NMNAT1: variants seen among roughly 807,000 people sequenced by gnomAD.
NMNAT1 encodes nicotinamide nucleotide adenylyltransferase 1.
A neutral mutation model predicts 16.7 loss-of-function variants in NMNAT1; 11 were observed. The observed-to-expected ratio is 0.66, with a 90% CI of 0.41 to 1.09. The LOEUF is 1.09. Among genes scored for constraint, NMNAT1 ranks in the 50% least tolerant of loss-of-function variants. The probability of loss-of-function intolerance (pLI) is 0.00; values close to 1 mark genes in which losing one functional copy is unlikely to be tolerated. For missense variants in NMNAT1, 280 were observed against 332.3 expected, an observed-to-expected ratio of 0.84 and a Z score of 1.22; for synonymous variants, 110 against 119.8, an observed-to-expected ratio of 0.92 and a Z score of 0.53.
At chr1:9,944,869 T>G (rs1640932699) in intron 1 of NMNAT1, among the ~76,000 whole-genome samples, 1 of 152,248 alleles carries the variant, frequency 6.6e-6, no homozygotes, top group Non-Finnish European at 1.5e-5. Context: ...TAGAGAAGAC[T>G]GTTGACACAC....
At chr1:9,990,551 C>G in the NMNAT1 span, among the ~76,000 whole-genome samples, 7 of 152,204 alleles carry the variant, frequency 4.6e-5, no homozygotes, top group Admixed American at 1.3e-4. Flanking sequence ...ATTGGTTTAG[C>G]CTGATACTAA....
chr1:9,954,121 A>G lies in NMNAT1; in HGVS notation c.-57+10606A>G, dbSNP rs552695919. 9.3e-4 allele frequency among the ~76,000 whole-genome samples: 141 copies of G among 152,172 alleles called. 1 individual carries two copies. The highest frequency in any genetic ancestry group is 3.2e-3 in the African/African-American group (133 of 41,552). On this transcript the variant is annotated intron_variant, in intron 1 of 4. Transcript: ENST00000377205. ...GCACCCGGCCCATACATCACTCTTA[A>G]AAGCACATTCAAAGGAAAATATAAT...
intron 3 of NMNAT1, among the ~76,000 whole-genome samples, chr1:9,979,938 T>C (rs1167873796): frequency 1.3e-5 from 2 of 152,182 alleles, no homozygotes; most frequent in Admixed American, 1.3e-4. Flanking sequence ...AGAAGATTTT[T>C]TTTTTCTTTT....
intron 1 of NMNAT1, among the ~76,000 whole-genome samples, chr1:9,946,468 G>A (rs1640983538): frequency 1.3e-5 from 2 of 152,168 alleles, no homozygotes; most frequent in Admixed American, 6.6e-5. Flanking sequence ...GTCTTGGGAT[G>A]GGAGCCCAGA....
At chr1:9,956,835 G>A (rs557870052) in intron 1 of NMNAT1, among the ~76,000 whole-genome samples, 4 of 149,838 alleles carry the variant, frequency 2.7e-5, no homozygotes, top group East Asian at 4.0e-4. Context: ...AGGTTCAAGC[G>A]ATTCTCCTGC....
intron 1 of NMNAT1, among the ~76,000 whole-genome samples, chr1:9,957,085 A>G (rs1366820375): frequency 6.6e-6 from 1 of 151,866 alleles, no homozygotes; most frequent in East Asian, 1.9e-4. Flanking sequence ...GCTGGAGTTC[A>G]ATGGTGGGAT....
At chr1:9,995,764 C>G in the NMNAT1 span, among the ~76,000 whole-genome samples, 2 of 152,054 alleles carry the variant, frequency 1.3e-5, no homozygotes, top group African/African-American at 4.8e-5. Flanking sequence ...TGCGGTGGCT[C>G]ACACCTATAA....
At chr1:9,989,791 T>C (rs575277481), downstream of NMNAT1, among the ~76,000 whole-genome samples, 1 of 152,348 alleles carries the variant, frequency 6.6e-6, no homozygotes, top group Non-Finnish European at 1.5e-5. Context: ...CCTGTCACAC[T>C]GACCCTCCAC....
At chr1:9,976,084 C>T (rs1192042427) in intron 3 of NMNAT1, among the ~76,000 whole-genome samples, 1 of 151,864 alleles carries the variant, frequency 6.6e-6, no homozygotes, top group Non-Finnish European at 1.5e-5. Flanking sequence ...GTCAGGAGTT[C>T]GAGACCAGCC....
chr1:9,963,167 G>C (rs577820771), intron 1 of NMNAT1, among the ~76,000 whole-genome samples: 1 of 152,050 alleles, frequency 6.6e-6, no homozygotes, highest in Admixed American at 6.6e-5. Context: ...TTTCTTCTTG[G>C]TGAGAGAGCT....
chr1:9,996,211 T>A, the NMNAT1 span, among the ~76,000 whole-genome samples: 2 of 149,694 alleles, frequency 1.3e-5, no homozygotes, highest in Admixed American at 6.7e-5. Context: ...CTCGGGAGGC[T>A]GAGGCAGGAG....
intron 1 of NMNAT1, chr1:9,960,838 AG>A (rs983819970): frequency 3.5e-4 from 54 of 152,362 alleles, no homozygotes; most frequent in African/African-American, 1.3e-3. Flanking sequence ...GACCCAGGTC[AG>A]TCCCGTTAGA....
chr1:9,948,837 G>A lies in NMNAT1; in HGVS notation c.-57+5322G>A, dbSNP rs890137404. On this transcript the variant is annotated intron_variant, in intron 1 of 4. Transcript: ENST00000377205. ...AATTTTTTGTATTTTTAGTAGAGAC[G>A]GGGTTTCACCATGTTGGCCAGGCTG... is the stretch of plus-strand genomic sequence containing the variant. Among the ~76,000 whole-genome samples, 56 of 151,144 alleles carry A rather than the reference G, an allele frequency of 3.7e-4. 1 individual carries two copies. Among genetic ancestry groups the A allele is most frequent in the South Asian group, 4.2e-4 (2 of 4,780 alleles).
downstream of NMNAT1, among the ~76,000 whole-genome samples, chr1:9,986,610 C>T (rs988881771): frequency 6.6e-6 from 1 of 152,184 alleles, no homozygotes; most frequent in African/African-American, 2.4e-5. Flanking sequence ...TGGCTGGGCA[C>T]AGCGGCTCAT....
intron 3 of NMNAT1, among the ~76,000 whole-genome samples, chr1:9,979,457 T>G (rs2101709692): frequency 6.6e-6 from 1 of 152,114 alleles, no homozygotes; most frequent in Non-Finnish European, 1.5e-5. Flanking sequence ...AGAGTGAGCC[T>G]GTGTCTCTGA....
chr1:9,966,109 G>A (rs1455435655), intron 1 of NMNAT1, among the ~76,000 whole-genome samples: 2 of 151,712 alleles, frequency 1.3e-5, no homozygotes, highest in Admixed American at 6.6e-5. Context: ...GACCAGCCTG[G>A]CCAACATGGT....
chr1:9,990,097 G>C (rs1177805358), downstream of NMNAT1, among the ~76,000 whole-genome samples: 1 of 152,250 alleles, frequency 6.6e-6, no homozygotes. Context: ...TGCCAATGAA[G>C]GGGTCAGGGA....
In NMNAT1 at chr1:9,968,080, G is replaced by GTTTTTTTTTTTTTTTTTTT. The variant is rs6143117; in HGVS notation, c.-56-3929_-56-3928insTTTTTTTTTTTTTTTTTTT. Among the ~76,000 whole-genome samples, 9 of 117,804 alleles carry GTTTTTTTTTTTTTTTTTTT rather than the reference G, an allele frequency of 7.6e-5. 1 individual carries two copies. Among genetic ancestry groups the GTTTTTTTTTTTTTTTTTTT allele is most frequent in the Non-Finnish European group, 1.2e-4 (7 of 58,768 alleles). 77.3% of individuals were successfully genotyped at this position (117,804 alleles called of 152,430 possible). A position where few individuals can be genotyped will look rare whatever the true frequency, so the allele number is the denominator to read the frequency against. ...TTTGCCAAATGTAGTTTTTTTTTTT[G>GTTTTTTTTTTTTTTTTTTT]TTTTTTTTTGAGATGGAGTCTCGCT... is the stretch of plus-strand genomic sequence containing the variant. On this transcript the variant is annotated intron_variant, in intron 1 of 4. Coordinates refer to ENST00000377205, the MANE Select transcript of NMNAT1 (RefSeq NM_022787.4).
At chr1:9,985,884 A>G (rs1293847251), downstream of NMNAT1, among the ~76,000 whole-genome samples, 2 of 152,182 alleles carry the variant, frequency 1.3e-5, no homozygotes, top group African/African-American at 4.8e-5. Context: ...GCTGGCCTCA[A>G]ATGATCCGCC....
Sources: gnomAD v4.1 joint callset for allele counts (sites outside exome capture counted in the v4.1 genomes callset) on GRCh38, gnomAD v4.1.1 for gene constraint, MANE v1.5 for transcripts, NCBI Gene and HGNC (gene_info 2026-07-23, HGNC 2026-07-21) for gene names.